CTNND2: variants seen among roughly 807,000 people sequenced by gnomAD.
CTNND2 encodes the protein catenin delta-2.
Under a neutral mutation model 144.4 loss-of-function variants are expected in CTNND2, and 22 were observed. That is an observed-to-expected ratio of 0.15 (90% CI 0.11 to 0.22). The LOEUF (loss-of-function observed/expected upper bound fraction) is 0.22, where lower values mean the gene tolerates loss of function less well. Ranked by LOEUF, CTNND2 falls within the 10% of genes least tolerant of loss-of-function variation. The pLI is 1.00. For missense variants in CTNND2, 1,353 were observed against 1,618.8 expected, an observed-to-expected ratio of 0.84 and a Z score of 2.82; for synonymous variants, 751 against 695.6, an observed-to-expected ratio of 1.08 and a Z score of -1.25.
intron 8 of CTNND2, among the ~76,000 whole-genome samples, chr5:11,354,511 C>T (rs1431713079): frequency 6.6e-6 from 1 of 152,130 alleles, no homozygotes; most frequent in African/African-American, 2.4e-5. Flanking sequence ...CCATGTCAAG[C>T]GTATTCCATG....
chr5:11,798,117 C>G (rs567727895), intron 1 of CTNND2, among the ~76,000 whole-genome samples: 1 of 151,754 alleles, frequency 6.6e-6, no homozygotes, highest in Non-Finnish European at 1.5e-5. Context: ...AAAAAAATAG[C>G]CAGTCGTGGT....
At position 11,071,852 on chromosome 5, in the gene CTNND2, C is replaced by T. The variant is rs552452657; in HGVS notation, c.2788+10844G>A. On this transcript the variant is annotated intron_variant, in intron 16 of 21. Coordinates refer to ENST00000304623, the MANE Select transcript of CTNND2 (RefSeq NM_001332.4). ...CTGGCAAAGTATCAATAAGATATCACACTTGGTTTACTCACTTGGGATAAA... is the reference window on the plus strand; with the variant it reads ...CTGGCAAAGTATCAATAAGATATCATACTTGGTTTACTCACTTGGGATAAA... Among the ~76,000 whole-genome samples the T allele has an allele frequency of 3.9e-5, 6 of 152,272 alleles. No individual in the cohort carries two copies. In the South Asian group the frequency reaches 1.0e-3, roughly 26 times the overall value.
intron 1 of CTNND2, among the ~76,000 whole-genome samples, chr5:11,819,667 T>G (rs548976827): frequency 9.2e-5 from 14 of 152,064 alleles, no homozygotes; most frequent in African/African-American, 3.4e-4. Flanking sequence ...CAGTGCAGAG[T>G]CTAGGCCAAA....
chr5:11,719,831 T>TACACACACAC (rs1178873446), intron 2 of CTNND2, among the ~76,000 whole-genome samples: 1 of 109,388 alleles, frequency 9.1e-6, no homozygotes, highest in East Asian at 2.5e-4. Flanking sequence ...AGCTCTGACA[T>TACACACACAC]ATACACACAC....
At chr5:11,543,913 C>T (rs1330274412) in intron 3 of CTNND2, among the ~76,000 whole-genome samples, 3 of 152,144 alleles carry the variant, frequency 2.0e-5, no homozygotes, top group Non-Finnish European at 4.4e-5. Context: ...ACCTTAAACT[C>T]TGACCTCATG....
At chr5:11,802,031 A>C (rs568872949) in intron 1 of CTNND2, among the ~76,000 whole-genome samples, 29 of 151,878 alleles carry the variant, frequency 1.9e-4, no homozygotes, top group African/African-American at 6.0e-4. Flanking sequence ...CCAGCACTTT[A>C]GGAGGCCAAG....
At chr5:11,108,584 T>C (rs1752648716) in intron 14 of CTNND2, among the ~76,000 whole-genome samples, 1 of 152,222 alleles carries the variant, frequency 6.6e-6, no homozygotes, top group Admixed American at 6.5e-5. Context: ...AATTGATAGG[T>C]TTGTCTCCTC....
chr5:11,454,319 T>C lies in CTNND2; in HGVS notation c.288-42250A>G, dbSNP rs189089603. Among the ~76,000 whole-genome samples the C allele has an allele frequency of 9.0e-4, 137 of 151,844 alleles. 2 individuals carry two copies. Among genetic ancestry groups the C allele is most frequent in the African/African-American group, 3.0e-3 (124 of 41,406 alleles). ...CCTGTAGTCCCAGCTACTAGGGAGGTTGAGGCAGGAGAATCGCTTGAACCC... is the reference window on the plus strand; with the variant it reads ...CCTGTAGTCCCAGCTACTAGGGAGGCTGAGGCAGGAGAATCGCTTGAACCC... On this transcript the variant is annotated intron_variant, in intron 3 of 21. Coordinates refer to ENST00000304623, the MANE Select transcript of CTNND2 (RefSeq NM_001332.4).
At chr5:11,735,197 C>T (rs74365911) in intron 1 of CTNND2, among the ~76,000 whole-genome samples, 2,672 of 152,174 alleles carry the variant, frequency 0.018, 44 homozygotes, top group Non-Finnish European at 0.031. Flanking sequence ...AAGAGATTTG[C>T]GTAATTATGG....
intron 9 of CTNND2, among the ~76,000 whole-genome samples, chr5:11,257,510 G>T (rs1255241819): frequency 6.6e-6 from 1 of 152,190 alleles, no homozygotes; most frequent in Non-Finnish European, 1.5e-5. Context: ...TCATAGGGCA[G>T]CAGGAGAGAG....
At chr5:11,547,013 C>T (rs2150078166) in intron 3 of CTNND2, among the ~76,000 whole-genome samples, 1 of 152,232 alleles carries the variant, frequency 6.6e-6, no homozygotes, top group Non-Finnish European at 1.5e-5. Context: ...TGGCTCAAAC[C>T]TGTACAGCAC....
At chr5:11,107,910 C>A (rs1371378905) in intron 14 of CTNND2, among the ~76,000 whole-genome samples, 1 of 152,184 alleles carries the variant, frequency 6.6e-6, no homozygotes, top group Non-Finnish European at 1.5e-5. Context: ...ACAGCAAGAG[C>A]TAGGGGCCAC....
At chr5:11,741,786 A>G (rs1788031539) in intron 1 of CTNND2, among the ~76,000 whole-genome samples, 1 of 148,164 alleles carries the variant, frequency 6.7e-6, no homozygotes, top group Admixed American at 6.8e-5. Flanking sequence ...TTCATATATT[A>G]TAGTATACAT....
intron 1 of CTNND2, among the ~76,000 whole-genome samples, chr5:11,861,430 G>C (rs73048737): frequency 0.055 from 8,443 of 152,214 alleles, 382 homozygotes; most frequent in African/African-American, 0.13. Context: ...GCCAAAAACT[G>C]GGAGTCATCT....
At chr5:11,181,320 A>G (rs1467330585) in intron 11 of CTNND2, among the ~76,000 whole-genome samples, 1 of 152,166 alleles carries the variant, frequency 6.6e-6, no homozygotes, top group Admixed American at 6.5e-5. Flanking sequence ...AGGGGCAGTG[A>G]GCCATTCTTT....
rs112003857 is a variant in CTNND2 at position 11,508,447 on chromosome 5, C to A, written c.287+56497G>T. 6.6e-5 allele frequency: 10 copies of A among 152,278 alleles called. No homozygotes were observed. The South Asian group carries it at 1.9e-3, about 28-fold the overall frequency. 9.4% of individuals were successfully genotyped at this position (152,278 alleles called of 1,614,324 possible). On this transcript the variant is annotated intron_variant, in intron 3 of 21. Coordinates refer to ENST00000304623, the MANE Select transcript of CTNND2 (RefSeq NM_001332.4). ...AAGTGTTTTCCTTCTGCTTCTGACA[C>A]GATAATGCAAACGAGAAAATTCATT...
chr5:11,357,467 A>G (rs1477176024), intron 8 of CTNND2, among the ~76,000 whole-genome samples: 2 of 152,104 alleles, frequency 1.3e-5, no homozygotes, highest in African/African-American at 4.8e-5. Flanking sequence ...TCAAACATGG[A>G]ATCTAAAAAA....
chr5:11,158,590 C>T (rs982228617), intron 12 of CTNND2, among the ~76,000 whole-genome samples: 1 of 152,126 alleles, frequency 6.6e-6, no homozygotes, highest in African/African-American at 2.4e-5. Context: ...CATACCGCCT[C>T]TCAAGACTGG....
At chr5:11,465,926 C>G (rs918968464) in intron 3 of CTNND2, among the ~76,000 whole-genome samples, 1 of 152,162 alleles carries the variant, frequency 6.6e-6, no homozygotes, top group African/African-American at 2.4e-5. Context: ...GATAACCTTT[C>G]CTAATGGCAG....
Sources: gnomAD v4.1 joint callset for allele counts (sites outside exome capture counted in the v4.1 genomes callset) on GRCh38, gnomAD v4.1.1 for gene constraint, MANE v1.5 for transcripts, NCBI Gene and HGNC (gene_info 2026-07-23, HGNC 2026-07-21) for gene names.